The following ATRNL1 variants were observed in gnomAD, a reference collection of about 807,000 sequenced individuals.
The protein encoded by ATRNL1 is attractin-like protein 1.
In ATRNL1, 95 loss-of-function variants were observed where a neutral mutation model predicts 182.7. The ratio of observed to expected loss-of-function variants is 0.52; its 90% CI spans 0.44 to 0.62. The LOEUF is 0.62. Among genes scored for constraint, ATRNL1 ranks in the 20% least tolerant of loss-of-function variants. ATRNL1 has a pLI of 0.00. For missense variants in ATRNL1, 1,471 were observed against 1,679.5 expected (o/e 0.88, Z 2.17); for synonymous variants, 576 against 568.3 (o/e 1.01, Z -0.19).
At chr10:115,702,032 G>C (rs1212696292) in intron 26 of ATRNL1, among the ~76,000 whole-genome samples, 1 of 151,914 alleles carries the variant, frequency 6.6e-6, no homozygotes, top group African/African-American at 2.4e-5. Flanking sequence ...CAAAATACTA[G>C]CAAATTGAAT....
At chr10:115,175,069 T>C (rs782020760) in intron 8 of ATRNL1, among the ~76,000 whole-genome samples, 1 of 152,002 alleles carries the variant, frequency 6.6e-6, no homozygotes, top group Admixed American at 6.6e-5. Flanking sequence ...TGACTTTACA[T>C]AGATACTCTC....
chr10:115,436,797 T>C (rs782499102), intron 21 of ATRNL1, among the ~76,000 whole-genome samples: 24 of 152,238 alleles, frequency 1.6e-4, no homozygotes, highest in East Asian at 5.8e-4. Context: ...CATTTACTTA[T>C]TGACTAGCTA....
At chr10:115,452,741 A>C (rs1554967912) in intron 21 of ATRNL1, among the ~76,000 whole-genome samples, 1 of 152,184 alleles carries the variant, frequency 6.6e-6, no homozygotes, top group Non-Finnish European at 1.5e-5. Flanking sequence ...AAAAATATAC[A>C]ATACAGTATT....
chr10:115,799,886 T>G (rs1159670156), intron 27 of ATRNL1, among the ~76,000 whole-genome samples: 4 of 152,162 alleles, frequency 2.6e-5, no homozygotes, highest in African/African-American at 9.7e-5. Flanking sequence ...ATGCTCACAG[T>G]AACCTGTATG....
At chr10:115,707,972 A>G (rs1946951448) in intron 26 of ATRNL1, among the ~76,000 whole-genome samples, 1 of 151,716 alleles carries the variant, frequency 6.6e-6, no homozygotes, top group Non-Finnish European at 1.5e-5. Flanking sequence ...AAAGTGCTTC[A>G]TTAATTTAAT....
intron 15 of ATRNL1, among the ~76,000 whole-genome samples, chr10:115,297,365 G>A (rs1853247095): frequency 6.6e-6 from 1 of 152,040 alleles, no homozygotes. Context: ...TTACCGTCCG[G>A]GCGTGGTGGC....
chr10:115,569,720 T>A (rs1355477181), intron 26 of ATRNL1, among the ~76,000 whole-genome samples: 1 of 152,218 alleles, frequency 6.6e-6, no homozygotes, highest in African/African-American at 2.4e-5. Flanking sequence ...TAACTGTTTG[T>A]CTCTGGTATG....
chr10:115,317,342 T>C (rs1854349667), intron 18 of ATRNL1, among the ~76,000 whole-genome samples: 1 of 152,220 alleles, frequency 6.6e-6, no homozygotes, highest in Non-Finnish European at 1.5e-5. Context: ...TCCAGCTTTG[T>C]TCTTTTTGCT....
chr10:115,361,952 T>A lies in ATRNL1; in HGVS notation c.3175+27533T>A, dbSNP rs576425969. 3.3e-5 allele frequency among the ~76,000 whole-genome samples: 5 copies of A among 152,220 alleles called. No individual in the cohort carries two copies. The South Asian group carries it at 1.0e-3, about 32-fold the overall frequency. On this transcript the variant is annotated intron_variant, in intron 19 of 28. Coordinates refer to ENST00000355044, the MANE Select transcript of ATRNL1 (RefSeq NM_207303.4). The stretch of plus-strand genomic sequence containing the variant: ...TCAAAGAATGAATTACTTTACCTTT[T>A]TTATCGAAGAAAGAATCATTTCTTG...
chr10:115,219,019 G>A (rs1021239470), intron 9 of ATRNL1, among the ~76,000 whole-genome samples: 1 of 152,034 alleles, frequency 6.6e-6, no homozygotes, highest in South Asian at 2.1e-4. Flanking sequence ...GGCAGATCAC[G>A]AGGTCAGGAG....
intron 28 of ATRNL1, among the ~76,000 whole-genome samples, chr10:115,891,004 G>A (rs1488917017): frequency 6.6e-6 from 1 of 152,146 alleles, no homozygotes; most frequent in Non-Finnish European, 1.5e-5. Context: ...TTGTTTGGCT[G>A]TAAGGGTGCA....
At chr10:115,305,578 G>C (rs1274572724) in intron 17 of ATRNL1, among the ~76,000 whole-genome samples, 1 of 152,116 alleles carries the variant, frequency 6.6e-6, no homozygotes, top group Non-Finnish European at 1.5e-5. Context: ...TACAAGAGTT[G>C]AAGACTTGTG....
chr10:115,636,760 A>G (rs1858901576), intron 26 of ATRNL1, among the ~76,000 whole-genome samples: 1 of 152,232 alleles, frequency 6.6e-6, no homozygotes, highest in Non-Finnish European at 1.5e-5. Context: ...ATATGAATGT[A>G]CATAGCAATA....
chr10:115,239,709 C>G (rs1382736941), intron 9 of ATRNL1, among the ~76,000 whole-genome samples: 2 of 152,128 alleles, frequency 1.3e-5, no homozygotes, highest in Non-Finnish European at 2.9e-5. Flanking sequence ...TTGGCTCTTT[C>G]TGGATGCAAC....
chr10:115,248,356 G>A (rs1222512112), intron 10 of ATRNL1, among the ~76,000 whole-genome samples: 1 of 151,842 alleles, frequency 6.6e-6, no homozygotes, highest in African/African-American at 2.4e-5. Context: ...AACTCTTGGG[G>A]GAAGAAGGCA....
At chr10:115,822,068 TAACA>T (rs1239083278) in intron 27 of ATRNL1, among the ~76,000 whole-genome samples, 5 of 152,110 alleles carry the variant, frequency 3.3e-5, no homozygotes, top group Non-Finnish European at 7.4e-5. Flanking sequence ...ATGGAAATCA[TAACA>T]AACAGTCTCT....
intron 26 of ATRNL1, among the ~76,000 whole-genome samples, chr10:115,646,332 T>C (rs1859614483): frequency 6.6e-6 from 1 of 152,162 alleles, no homozygotes; most frequent in South Asian, 2.1e-4. Context: ...ACCAAAGGAA[T>C]GTATTTACTT....
chr10:115,341,112 T>C (rs1855734672), intron 19 of ATRNL1, among the ~76,000 whole-genome samples: 1 of 152,032 alleles, frequency 6.6e-6, no homozygotes, highest in Non-Finnish European at 1.5e-5. Context: ...AGATGCATCA[T>C]TAGATTATTT....
chr10:115,109,666 A>G (rs562241706), intron 1 of ATRNL1, among the ~76,000 whole-genome samples: 1 of 152,228 alleles, frequency 6.6e-6, no homozygotes, highest in South Asian at 2.1e-4. Context: ...CATGTCAAGG[A>G]TGGCTGTTAT....
Sources: gnomAD v4.1 joint callset for allele counts (sites outside exome capture counted in the v4.1 genomes callset) on GRCh38, gnomAD v4.1.1 for gene constraint, MANE v1.5 for transcripts, NCBI Gene and HGNC (gene_info 2026-07-23, HGNC 2026-07-21) for gene names.